NRXN1: variants seen among roughly 807,000 people sequenced by gnomAD.
NRXN1 encodes neurexin 1, also known as neurexin-1.
In NRXN1, 39 loss-of-function variants were observed where a neutral mutation model predicts 150.9. The observed-to-expected ratio is 0.26, with a 90% confidence interval of 0.20 to 0.34. The LOEUF (loss-of-function observed/expected upper bound fraction) is 0.34. Among genes scored for constraint, NRXN1 ranks in the 10% least tolerant of loss-of-function variants. NRXN1 has a pLI of 1.00. For synonymous variants in NRXN1, 924 were observed against 757.0 expected, an observed-to-expected ratio of 1.22 and a Z score of -3.62; for missense variants, 1,815 against 1,949.9, an observed-to-expected ratio of 0.93 and a Z score of 1.30.
At chr2:50,327,319 A>G (rs2076449788) in intron 17 of NRXN1, among the ~76,000 whole-genome samples, 1 of 152,190 alleles carries the variant, frequency 6.6e-6, no homozygotes, top group African/African-American at 2.4e-5. Context: ...ATTTATATCA[A>G]CTTCAGGACA....
chr2:50,403,654 A>T (rs537524266), intron 17 of NRXN1, among the ~76,000 whole-genome samples: 17 of 152,256 alleles, frequency 1.1e-4, no homozygotes, highest in African/African-American at 3.8e-4. Context: ...TGACTTTCCT[A>T]AATGTAACTT....
intron 17 of NRXN1, among the ~76,000 whole-genome samples, chr2:50,460,618 A>G (rs2088083176): frequency 6.6e-6 from 1 of 152,086 alleles, no homozygotes; most frequent in Non-Finnish European, 1.5e-5. Context: ...AGTTTACGTA[A>G]AATAGTAGCA....
intron 17 of NRXN1, among the ~76,000 whole-genome samples, chr2:50,255,023 G>C (rs1039852493): frequency 6.6e-6 from 1 of 152,026 alleles, no homozygotes; most frequent in African/African-American, 2.4e-5. Flanking sequence ...ACCTAGGCTA[G>C]TCTTGAATTC....
chr2:50,145,966 GA>G (rs534830332), intron 18 of NRXN1, among the ~76,000 whole-genome samples: 21 of 148,406 alleles, frequency 1.4e-4, no homozygotes, highest in East Asian at 5.9e-4. Context: ...CAAATAGCCA[GA>G]AAAAAAAAAT....
intron 2 of NRXN1, among the ~76,000 whole-genome samples, chr2:50,944,382 C>T (rs1018734663): frequency 6.6e-6 from 1 of 152,084 alleles, no homozygotes; most frequent in African/African-American, 2.4e-5. Context: ...CATTGTGAGC[C>T]TCAGTCACCC....
At chr2:50,217,138 T>C (rs1010849034) in intron 18 of NRXN1, among the ~76,000 whole-genome samples, 9 of 152,210 alleles carry the variant, frequency 5.9e-5, no homozygotes, top group East Asian at 3.9e-4. Context: ...AAAGCAGATG[T>C]AGCAAAAACA....
chr2:50,540,106 G>A (rs1358165868), intron 9 of NRXN1, among the ~76,000 whole-genome samples: 3 of 152,132 alleles, frequency 2.0e-5, no homozygotes, highest in Admixed American at 1.3e-4. Context: ...CTGCTCAGGT[G>A]GCCGAGTCAT....
chr2:50,286,271 T>C lies in NRXN1; in HGVS notation c.3365-49301A>G, dbSNP rs116707700. 5.0e-3 allele frequency among the ~76,000 whole-genome samples: 767 copies of C among 152,170 alleles called. 8 individuals carry two copies. Among genetic ancestry groups the C allele is most frequent in the African/African-American group, 0.018 (727 of 41,530 alleles). On this transcript the variant is annotated intron_variant, in intron 17 of 22. Coordinates refer to ENST00000401669, the MANE Select transcript of NRXN1 (RefSeq NM_001330078.2). The stretch of plus-strand genomic sequence containing the variant: ...GAAATTTGGTAGTCTTTGACCAATA[T>C]CTCCCAAACTCCACCAACACCACCT...
intron 13 of NRXN1, among the ~76,000 whole-genome samples, chr2:50,500,564 T>A (rs1167522492): frequency 3.9e-5 from 6 of 152,098 alleles, no homozygotes; most frequent in Admixed American, 3.3e-4. Context: ...TAAGAAAAAA[T>A]TATAAGACTT....
Position 50,497,649 on chromosome 2 carries a change from G to A in NRXN1, c.2563C>T (p.Arg855Ter). 1 of 1,613,684 alleles carries A rather than the reference G, an allele frequency of 6.2e-7. No individual in the cohort carries two copies. ...HNIETGIITERRYLSSVPSNF... is the reference protein window; with the variant it reads ...HNIETGIITE Reference sequence around the variant, plus strand: ...GAGGGGACAGAAGAAAGATACCGTCGTTCTGTGATGATGCCAGTCTCTATG... The same window carrying A: ...GAGGGGACAGAAGAAAGATACCGTCATTCTGTGATGATGCCAGTCTCTATG... Residue 855 changes from arginine to a stop codon, truncating the protein, a stop_gained, in exon 14 of 23, where the codon CGA (arginine) becomes TGA (stop). Transcript: ENST00000401669. LOFTEE classifies it high-confidence loss of function.
intron 3 of NRXN1, among the ~76,000 whole-genome samples, chr2:50,925,415 C>T (rs1042385805): frequency 2.0e-5 from 3 of 151,756 alleles, no homozygotes; most frequent in Non-Finnish European, 2.9e-5. Context: ...GCTTTCATGT[C>T]CACTGGCCAA....
intron 19 of NRXN1, among the ~76,000 whole-genome samples, chr2:50,064,213 T>C (rs1380978961): frequency 6.6e-6 from 1 of 151,650 alleles, no homozygotes; most frequent in Non-Finnish European, 1.5e-5. Flanking sequence ...TGTGTCTCTA[T>C]ATATAATATA....
chr2:50,478,802 T>C (rs1354585038), intron 15 of NRXN1, among the ~76,000 whole-genome samples: 3 of 152,184 alleles, frequency 2.0e-5, no homozygotes, highest in East Asian at 3.9e-4. Context: ...AGATTGGAAA[T>C]TCAGTATCAT....
At chr2:50,903,487 T>C (rs897682621) in intron 5 of NRXN1, among the ~76,000 whole-genome samples, 5 of 152,172 alleles carry the variant, frequency 3.3e-5, no homozygotes, top group Non-Finnish European at 5.9e-5. Flanking sequence ...AGAAGTATTC[T>C]GGGGGAGGTG....
chr2:50,954,459 G>A (rs929453532), intron 2 of NRXN1, among the ~76,000 whole-genome samples: 1 of 152,070 alleles, frequency 6.6e-6, no homozygotes, highest in African/African-American at 2.4e-5. Context: ...AACCCAGAGC[G>A]GGTTCAGCCA....
intron 5 of NRXN1, among the ~76,000 whole-genome samples, chr2:50,711,445 C>G (rs541831665): frequency 1.3e-5 from 2 of 150,992 alleles, no homozygotes; most frequent in Non-Finnish European, 2.9e-5. Flanking sequence ...AAGTGATTCT[C>G]CTGTCTCAGC....
At chr2:50,389,995 C>T (rs1444313023) in intron 17 of NRXN1, among the ~76,000 whole-genome samples, 2 of 152,170 alleles carry the variant, frequency 1.3e-5, no homozygotes, top group African/African-American at 4.8e-5. Context: ...TTATTTATAC[C>T]AAGTTAGGCA....
intron 5 of NRXN1, among the ~76,000 whole-genome samples, chr2:50,779,977 C>G (rs1032720124): frequency 1.5e-4 from 23 of 152,202 alleles, no homozygotes; most frequent in Middle Eastern, 3.4e-3. Context: ...AATTTACACT[C>G]CCACCAACAG....
chr2:50,180,380 C>T (rs1293353522), intron 18 of NRXN1, among the ~76,000 whole-genome samples: 3 of 152,078 alleles, frequency 2.0e-5, no homozygotes, highest in Non-Finnish European at 4.4e-5. Context: ...TGAAGCAAAA[C>T]TCTCACACCT....
Sources: gnomAD v4.1 joint callset for allele counts (sites outside exome capture counted in the v4.1 genomes callset) on GRCh38, gnomAD v4.1.1 for gene constraint, MANE v1.5 for transcripts, NCBI Gene and HGNC (gene_info 2026-07-23, HGNC 2026-07-21) for gene names.